The following TXNRD2 variants were observed in gnomAD, a reference collection of about 807,000 sequenced individuals.
The protein encoded by TXNRD2 is thioredoxin reductase 2, mitochondrial.
Under a neutral mutation model 70.8 loss-of-function variants are expected in TXNRD2, and 67 were observed. That is an observed-to-expected ratio of 0.95 (90% CI 0.78 to 1.16). TXNRD2 has a LOEUF of 1.16. Ranked by LOEUF, TXNRD2 falls within the 50% of genes most tolerant of loss-of-function variation. TXNRD2 has a pLI of 0.00. For synonymous variants in TXNRD2, 301 were observed against 295.8 expected, an observed-to-expected ratio of 1.02 and a Z score of -0.18; for missense variants, 644 against 719.9, an observed-to-expected ratio of 0.89 and a Z score of 1.21.
intron 8 of TXNRD2, among the ~76,000 whole-genome samples, chr22:19,908,904 C>T (rs1271781781): frequency 6.6e-6 from 1 of 152,160 alleles, no homozygotes; most frequent in African/African-American, 2.4e-5. Flanking sequence ...GAACTGTATA[C>T]TTAAAAATGG....
At chr22:19,909,842 CACCCT>C (rs1391432376) in intron 8 of TXNRD2, among the ~76,000 whole-genome samples, 1,255 of 74,816 alleles carry the variant, frequency 0.017, 36 homozygotes, top group South Asian at 0.04. Flanking sequence ...CACACACCCA[CACCCT>C]TCACACACAC....
At chr22:19,926,114 G>A (rs1458268053) in intron 2 of TXNRD2, among the ~76,000 whole-genome samples, 2 of 148,428 alleles carry the variant, frequency 1.3e-5, no homozygotes, top group Admixed American at 1.4e-4. Flanking sequence ...GGTGAGCCGA[G>A]ATTGTGCCAT....
chr22:19,906,525 G>A (rs1043565238), intron 8 of TXNRD2, among the ~76,000 whole-genome samples: 1 of 152,094 alleles, frequency 6.6e-6, no homozygotes, highest in African/African-American at 2.4e-5. Context: ...AGGAGGCTGA[G>A]GCAGGAGAAT....
At chr22:19,907,088 G>T (rs1760913671) in intron 8 of TXNRD2, among the ~76,000 whole-genome samples, 1 of 113,420 alleles carries the variant, frequency 8.8e-6, no homozygotes, top group African/African-American at 3.4e-5. Flanking sequence ...GCTCTCAGGA[G>T]AGTGTGGGCG....
rs767028260 is a variant in TXNRD2 at position 19,918,132 on chromosome 22, A to G, written c.449+11T>C. 5.0e-6 allele frequency: 8 copies of G among 1,613,682 alleles called. No homozygotes were observed. Among genetic ancestry groups the G allele is most frequent in the South Asian group, 1.1e-5 (1 of 91,054 alleles). On this transcript the variant is annotated intron_variant, in intron 5 of 17. Coordinates refer to ENST00000400521, the MANE Select transcript of TXNRD2 (RefSeq NM_006440.5). Reference sequence around the variant, plus strand: ...CAGAGGGCGGCCCATTCCCGGAGAGAGCTTCAGTACCTGTCCTGAAGCTGG... The same window carrying G: ...CAGAGGGCGGCCCATTCCCGGAGAGGGCTTCAGTACCTGTCCTGAAGCTGG...
chr22:19,909,822 C>T (rs1277929335), intron 8 of TXNRD2, among the ~76,000 whole-genome samples: 1 of 79,744 alleles, frequency 1.3e-5, no homozygotes, highest in Non-Finnish European at 2.4e-5. Flanking sequence ...CACACACACA[C>T]CACACACCAC....
At chr22:19,917,409 C>T (rs1281729384) in intron 5 of TXNRD2, among the ~76,000 whole-genome samples, 1 of 152,132 alleles carries the variant, frequency 6.6e-6, no homozygotes, top group Non-Finnish European at 1.5e-5. Flanking sequence ...GCTCCACTTT[C>T]CTGGATTTAG....
intron 1 of TXNRD2, among the ~76,000 whole-genome samples, chr22:19,935,628 C>A (rs1941511195): frequency 6.6e-6 from 1 of 152,134 alleles, no homozygotes; most frequent in Non-Finnish European, 1.5e-5. Flanking sequence ...AGGTGGGCAT[C>A]ATGGTCCTAC....
At chr22:19,911,264 T>C (rs1940395622) in intron 8 of TXNRD2, 113 bp downstream of exon 8, 6 of 895,500 alleles carry the variant, frequency 6.7e-6, no homozygotes, top group Non-Finnish European at 1.1e-5. Context: ...TTCCTTCTTT[T>C]GGGTAAACCG....
chr22:19,901,910 AC>A (rs1939795233), intron 8 of TXNRD2, among the ~76,000 whole-genome samples: 1 of 152,132 alleles, frequency 6.6e-6, no homozygotes, highest in Admixed American at 6.5e-5. Flanking sequence ...GCATTAAAAG[AC>A]CCAGAGGTTG....
chr22:19,915,299 G>A (rs371872285), intron 6 of TXNRD2, 23 bp from the exon 7 acceptor site: 36 of 1,610,108 alleles, frequency 2.2e-5, no homozygotes, highest in South Asian at 2.2e-4. Flanking sequence ...AGAGAAAGCC[G>A]TGGGTCAGAC....
intron 1 of TXNRD2, among the ~76,000 whole-genome samples, chr22:19,931,507 G>A (rs957959407): frequency 2.6e-5 from 4 of 152,102 alleles, no homozygotes; most frequent in Admixed American, 2.0e-4. Context: ...AAGGAACACG[G>A]TCAGCACAGG....
chr22:19,880,091 G>T, intron 14 of TXNRD2, 88 bp downstream of exon 14: 1 of 1,383,076 alleles, frequency 7.2e-7, no homozygotes, highest in East Asian at 2.3e-5. Context: ...AGAGACCTTG[G>T]CACCCTGCTC....
At position 19,882,083 on chromosome 22, in the gene TXNRD2, A is replaced by T. The variant is rs141657767; in HGVS notation, c.1086+1242T>A. 4.6e-3 allele frequency among the ~76,000 whole-genome samples: 701 copies of T among 152,330 alleles called. 2 individuals are homozygous for T. The highest frequency in any genetic ancestry group is 6.4e-3 in the Non-Finnish European group (433 of 68,022). ...GTAAGAGGCAAATCAGGGCCCAGAG[A>T]CACACCCAGGAGACTGTCACATGAC... On this transcript the variant is annotated intron_variant, in intron 12 of 17. Coordinates refer to ENST00000400521, the MANE Select transcript of TXNRD2 (RefSeq NM_006440.5).
At chr22:19,905,858 C>A (rs1035554189) in intron 8 of TXNRD2, among the ~76,000 whole-genome samples, 1 of 150,438 alleles carries the variant, frequency 6.6e-6, no homozygotes. Context: ...TGCAGCCAGC[C>A]CAAGGAAGTA....
chr22:19,906,208 G>A (rs1199830085), intron 8 of TXNRD2, among the ~76,000 whole-genome samples: 1 of 152,176 alleles, frequency 6.6e-6, no homozygotes, highest in Admixed American at 6.5e-5. Context: ...ACATGGGCAT[G>A]CTCACAGACA....
intron 2 of TXNRD2, among the ~76,000 whole-genome samples, chr22:19,927,651 CAAA>C (rs149665821): frequency 4.4e-5 from 3 of 68,390 alleles, no homozygotes; most frequent in Non-Finnish European, 5.6e-5. Flanking sequence ...GACCTTGTCT[CAAA>C]AAAAAAAAAA....
intron 11 of TXNRD2, chr22:19,883,845 C>T (rs1034547000): frequency 1.7e-5 from 4 of 236,666 alleles, no homozygotes; most frequent in African/African-American, 2.3e-5. Context: ...CCCAGCTACT[C>T]GGGAGGTTGA....
intron 8 of TXNRD2, among the ~76,000 whole-genome samples, chr22:19,899,655 A>G (rs1403291995): frequency 6.6e-6 from 1 of 152,252 alleles, no homozygotes; most frequent in Non-Finnish European, 1.5e-5. Context: ...TTGCTCTTGT[A>G]GTGAAAACCC....
Sources: allele counts gnomAD v4.1 joint callset (sites outside exome capture counted in the v4.1 genomes callset), GRCh38; gene constraint gnomAD v4.1.1; transcripts MANE v1.5; gene names NCBI Gene and HGNC (gene_info 2026-07-23, HGNC 2026-07-21).